Variants in CHSY3 observed in about 807,000 individuals in gnomAD.
CHSY3 encodes the protein chondroitin sulfate synthase 3.
Under a neutral mutation model 67.2 loss-of-function variants are expected in CHSY3, and 35 were observed. That is an observed-to-expected ratio of 0.52 (90% CI 0.40 to 0.69). The LOEUF (loss-of-function observed/expected upper bound fraction) is 0.69, where lower values mean the gene tolerates loss of function less well. CHSY3 is among the 30% of genes least tolerant of loss of function. CHSY3 has a pLI of 0.00. For synonymous variants in CHSY3, 474 were observed against 434.7 expected (o/e 1.09, Z -1.12); for missense variants, 1,069 against 1,138.5 (o/e 0.94, Z 0.88).
chr5:129,916,963 C>G (rs1375655867), intron 2 of CHSY3, among the ~76,000 whole-genome samples: 2 of 151,830 alleles, frequency 1.3e-5, no homozygotes, highest in African/African-American at 4.9e-5. Context: ...CGAAATTATT[C>G]TTATTTGAGT....
intron 2 of CHSY3, among the ~76,000 whole-genome samples, chr5:130,086,498 GT>G (rs1198378173): frequency 2.6e-5 from 4 of 151,912 alleles, no homozygotes; most frequent in Admixed American, 6.6e-5. Flanking sequence ...TTGAGCCTAT[GT>G]GTGTCTCTGC....
chr5:130,121,122 C>T lies in CHSY3; in HGVS notation c.1087-63107C>T, dbSNP rs1768008032. Among the ~76,000 whole-genome samples the T allele has an allele frequency of 2.0e-5, 3 of 152,174 alleles. No individual in the cohort carries two copies. In the South Asian group the frequency reaches 6.2e-4, roughly 32 times the overall value. ...TAGGGCTGTGTCTTTATAGTGGTTC[C>T]CCAACTTTAATGTGCATATGAGTCA... On this transcript the variant is annotated intron_variant, in intron 2 of 2. Coordinates refer to ENST00000305031, the MANE Select transcript of CHSY3 (RefSeq NM_175856.5).
chr5:129,985,757 A>T (rs536079442), intron 2 of CHSY3, among the ~76,000 whole-genome samples: 2 of 152,082 alleles, frequency 1.3e-5, no homozygotes, highest in African/African-American at 4.8e-5. Flanking sequence ...GGTTAGCTCT[A>T]TTCCTAGGTA....
At chr5:129,955,764 T>A (rs902562259) in intron 2 of CHSY3, among the ~76,000 whole-genome samples, 2 of 152,072 alleles carry the variant, frequency 1.3e-5, no homozygotes, top group African/African-American at 4.8e-5. Context: ...TCATTTAGCT[T>A]CCACTTATAG....
At chr5:130,084,615 A>C (rs1766551745) in intron 2 of CHSY3, among the ~76,000 whole-genome samples, 1 of 151,618 alleles carries the variant, frequency 6.6e-6, no homozygotes, top group Non-Finnish European at 1.5e-5. Flanking sequence ...TTATTTATTT[A>C]ATAAGACATC....
intron 2 of CHSY3, among the ~76,000 whole-genome samples, chr5:130,069,097 A>G (rs902205631): frequency 1.3e-5 from 2 of 152,124 alleles, no homozygotes; most frequent in Admixed American, 1.3e-4. Flanking sequence ...GGTTGAAAAC[A>G]TAAGCACTAC....
At chr5:130,007,565 C>T (rs781003541) in intron 2 of CHSY3, among the ~76,000 whole-genome samples, 3 of 152,112 alleles carry the variant, frequency 2.0e-5, no homozygotes, top group Non-Finnish European at 4.4e-5. Context: ...CCCACATTTG[C>T]CACAGACCTC....
intron 2 of CHSY3, among the ~76,000 whole-genome samples, chr5:130,182,028 T>C (rs931646169): frequency 6.6e-6 from 1 of 152,032 alleles, no homozygotes; most frequent in African/African-American, 2.4e-5. Flanking sequence ...ATTGGGCATA[T>C]ATCTAAGAGA....
At chr5:129,995,177 C>T (rs966580668) in intron 2 of CHSY3, among the ~76,000 whole-genome samples, 12 of 152,028 alleles carry the variant, frequency 7.9e-5, no homozygotes, top group African/African-American at 2.9e-4. Context: ...ATTTATATTT[C>T]TTTGATTATT....
intron 2 of CHSY3, among the ~76,000 whole-genome samples, chr5:130,116,207 G>T (rs1253740479): frequency 6.6e-6 from 1 of 152,042 alleles, no homozygotes; most frequent in Non-Finnish European, 1.5e-5. Flanking sequence ...GTAAAAAGAG[G>T]ACATTTATAC....
At chr5:130,121,089 C>A (rs2149708786) in intron 2 of CHSY3, among the ~76,000 whole-genome samples, 1 of 152,274 alleles carries the variant, frequency 6.6e-6, no homozygotes, top group South Asian at 2.1e-4. Flanking sequence ...GACTGTAAAT[C>A]TCAAGGGTAG....
chr5:130,097,700 C>T (rs181163837), intron 2 of CHSY3, among the ~76,000 whole-genome samples: 28 of 152,256 alleles, frequency 1.8e-4, no homozygotes, highest in African/African-American at 6.0e-4. Flanking sequence ...ATTCACATGC[C>T]ATTGTAAGAA....
chr5:130,040,656 A>T (rs1167148442), intron 2 of CHSY3, among the ~76,000 whole-genome samples: 1 of 152,116 alleles, frequency 6.6e-6, no homozygotes, highest in East Asian at 1.9e-4. Flanking sequence ...CAGAAAGGTA[A>T]ACAATTTGAA....
At chr5:130,055,470 C>G (rs1272052625) in intron 2 of CHSY3, among the ~76,000 whole-genome samples, 6 of 151,926 alleles carry the variant, frequency 3.9e-5, no homozygotes, top group Non-Finnish European at 8.8e-5. Flanking sequence ...GAGTTGGAAA[C>G]AAGTGGAAAA....
At chr5:129,944,424 C>T (rs1355119477) in intron 2 of CHSY3, among the ~76,000 whole-genome samples, 1 of 151,716 alleles carries the variant, frequency 6.6e-6, no homozygotes, top group Non-Finnish European at 1.5e-5. Flanking sequence ...GAGTTTCGCT[C>T]TGTCAGTTCA....
Position 130,105,812 on chromosome 5 carries a change from T to C in CHSY3, c.1087-78417T>C, listed in dbSNP as rs186003015. Among the ~76,000 whole-genome samples, 96 of 151,772 alleles carry C rather than the reference T, an allele frequency of 6.3e-4. 1 individual carries two copies. Among genetic ancestry groups the C allele is most frequent in the Admixed American group, 3.4e-3 (51 of 15,208 alleles). ...TATGTAAAGCAAGATTTTAAAAATA[T>C]ATATGGACATAAAATTATTCTTGAA... On this transcript the variant is annotated intron_variant, in intron 2 of 2. Coordinates refer to ENST00000305031, the MANE Select transcript of CHSY3 (RefSeq NM_175856.5).
chr5:130,182,969 G>A (rs1041733285), intron 2 of CHSY3, among the ~76,000 whole-genome samples: 1 of 149,860 alleles, frequency 6.7e-6, no homozygotes, highest in African/African-American at 2.5e-5. Context: ...TGAAGAGGCT[G>A]TTTTTTTAAA....
chr5:130,044,521 G>C (rs1363954025), intron 2 of CHSY3, among the ~76,000 whole-genome samples: 1 of 152,124 alleles, frequency 6.6e-6, no homozygotes, highest in African/African-American at 2.4e-5. Context: ...AGTTGCTGGA[G>C]AGAATATGAA....
chr5:130,056,871 A>G (rs1765546017), intron 2 of CHSY3, among the ~76,000 whole-genome samples: 1 of 148,838 alleles, frequency 6.7e-6, no homozygotes, highest in Non-Finnish European at 1.5e-5. Flanking sequence ...CAAAGACTAT[A>G]TGCTACCTGG....
Sources: gnomAD v4.1 joint callset for allele counts (sites outside exome capture counted in the v4.1 genomes callset) on GRCh38, gnomAD v4.1.1 for gene constraint, MANE v1.5 for transcripts, NCBI Gene and HGNC (gene_info 2026-07-23, HGNC 2026-07-21) for gene names.